The following TTC39A variants were observed in gnomAD, a reference collection of about 807,000 sequenced individuals.
TTC39A encodes the protein tetratricopeptide repeat domain 39A.
A neutral mutation model predicts 82.3 loss-of-function variants in TTC39A; 46 were observed. That is an observed-to-expected ratio of 0.56 (90% CI 0.44 to 0.71). The LOEUF (loss-of-function observed/expected upper bound fraction) is 0.71. TTC39A is among the 30% of genes least tolerant of loss of function. The probability of loss-of-function intolerance (pLI) is 0.00; values close to 1 mark genes in which losing one functional copy is unlikely to be tolerated. For synonymous variants in TTC39A, 254 were observed against 275.2 expected, an observed-to-expected ratio of 0.92 and a Z score of 0.76; for missense variants, 543 against 712.9, an observed-to-expected ratio of 0.76 and a Z score of 2.71.
intron 3 of TTC39A, 62 bp from the exon 4 acceptor site, chr1:51,312,257 C>T: frequency 3.4e-6 from 5 of 1,459,742 alleles, no homozygotes; most frequent in Non-Finnish European, 3.8e-6. Flanking sequence ...TGTCTCTGCC[C>T]CTCTCTGCTA....
intron 2 of TTC39A, among the ~76,000 whole-genome samples, chr1:51,314,029 C>T (rs1360773150): frequency 6.6e-6 from 1 of 152,208 alleles, no homozygotes; most frequent in African/African-American, 2.4e-5. Flanking sequence ...ATACTGTGGG[C>T]ACCTCGAGGA....
rs1221242762 is a variant in TTC39A, at chr1:51,288,361, C to T, written c.1611-81G>A. The T allele has an allele frequency of 2.5e-6, 4 of 1,595,902 alleles. No homozygotes were observed. In the African/African-American group the frequency reaches 4.0e-5, roughly 16 times the overall value. On this transcript the variant is annotated intron_variant, in intron 17 of 17. Transcript: ENST00000680483. The surrounding 1 kb of genome is among the most constrained non-coding windows in gnomAD (Gnocchi z 4.8). Reference sequence around the variant, plus strand: ...TCCTCCTGTTTGAGCTGTATGAGCCCCGCGAGCCAAGGAAGGATTGTAGAG... The same window carrying T: ...TCCTCCTGTTTGAGCTGTATGAGCCTCGCGAGCCAAGGAAGGATTGTAGAG...
At chr1:51,317,478 C>G (rs971269736) in intron 2 of TTC39A, among the ~76,000 whole-genome samples, 5 of 152,088 alleles carry the variant, frequency 3.3e-5, no homozygotes, top group African/African-American at 1.2e-4. Flanking sequence ...GCCTGGTGCG[C>G]TGGCTCACGC....
chr1:51,294,504 G>C lies in TTC39A; in HGVS notation c.1153C>G (p.Pro385Ala). The change falls in exon 14 of 18, where the codon CCA (proline) becomes GCA (alanine). Residue 385 changes from proline to alanine, a missense_variant. Physicochemically the swap from Pro to Ala is conservative, Grantham distance 27. Transcript: ENST00000680483. The surrounding 1 kb of genome is among the most constrained non-coding windows in gnomAD (Gnocchi z 4.3). ...DDEVELFRAV[P>A]GLKLKIAGKS... The stretch of plus-strand genomic sequence containing the variant: ...CCAGCAATCTTGAGCTTCAGGCCTG[G>C]CACAGCTCTGCGAAAGAGATGGGGA... 6.2e-7 allele frequency: 1 copy of C among 1,613,902 alleles called. No individual in the cohort carries two copies. Among genetic ancestry groups the C allele is most frequent in the Non-Finnish European group, 8.5e-7 (1 of 1,179,860 alleles).
intron 1 of TTC39A, among the ~76,000 whole-genome samples, chr1:51,324,023 C>T (rs932961200): frequency 2.0e-5 from 3 of 152,160 alleles, no homozygotes; most frequent in African/African-American, 7.2e-5. Context: ...TTTACTCTGT[C>T]CAGGTTCCCA....
rs1645860445 is a variant in TTC39A at position 51,330,304 on chromosome 1, G to T, written c.41+133C>A. 1.6e-5 allele frequency: 15 copies of T among 930,700 alleles called. No individual in the cohort carries two copies. The highest frequency in any genetic ancestry group is 1.9e-5 in the Non-Finnish European group (15 of 780,904). The allele number at this position is 930,700 out of a possible 1,614,324, so 57.7% of individuals were successfully genotyped here. A position where few individuals can be genotyped will look rare whatever the true frequency, so the allele number is the denominator to read the frequency against. ...AGCGGCGGCGGCTGCCAGGGGCCGGGCGGGGTGGGGGCTGGAAGCCGCAGT... is the reference window on the plus strand; with the variant it reads ...AGCGGCGGCGGCTGCCAGGGGCCGGTCGGGGTGGGGGCTGGAAGCCGCAGT... On this transcript the variant is annotated intron_variant, in intron 1 of 17. Transcript: ENST00000680483. The surrounding 1 kb of genome is among the most constrained non-coding windows in gnomAD (Gnocchi z 4.5).
chr1:51,338,640 G>A (rs973280644), intron 1 of TTC39A, among the ~76,000 whole-genome samples: 1 of 123,916 alleles, frequency 8.1e-6, no homozygotes, highest in Non-Finnish European at 1.6e-5. Context: ...GTCTTACTCT[G>A]TTGTCCAAGC....
intron 1 of TTC39A, chr1:51,322,356 C>T: frequency 2.4e-6 from 3 of 1,270,078 alleles, no homozygotes; most frequent in Non-Finnish European, 3.0e-6. Flanking sequence ...ATTCACTTTG[C>T]CAATGGCTCC....
chr1:51,307,034 C>T (rs1254128082), intron 6 of TTC39A, among the ~76,000 whole-genome samples: 4 of 152,080 alleles, frequency 2.6e-5, no homozygotes, highest in South Asian at 2.1e-4. Flanking sequence ...GAGAACAGCA[C>T]GTCCAAAGGC....
chr1:51,314,249 T>A (rs1262717323), intron 2 of TTC39A, among the ~76,000 whole-genome samples: 1 of 152,184 alleles, frequency 6.6e-6, no homozygotes, highest in African/African-American at 2.4e-5. Context: ...CCTCTCTGTA[T>A]GTGGAGGGAG....
intron 1 of TTC39A, among the ~76,000 whole-genome samples, chr1:51,342,185 C>T (rs1646045718): frequency 6.6e-6 from 1 of 152,218 alleles, no homozygotes; most frequent in Non-Finnish European, 1.5e-5. Context: ...TTGTAAGATG[C>T]ATGGGCGTTA....
At chr1:51,334,079 C>T (rs1319366858), upstream of TTC39A, among the ~76,000 whole-genome samples, 1 of 151,550 alleles carries the variant, frequency 6.6e-6, no homozygotes, top group Non-Finnish European at 1.5e-5. Context: ...CATATATAAG[C>T]TGAGCATGGT....
chr1:51,302,433 G>T lies in TTC39A; in HGVS notation c.832-17C>A. 2 of 1,608,268 alleles carry T rather than the reference G, an allele frequency of 1.2e-6. No individual in the cohort carries two copies. The highest frequency in any genetic ancestry group is 2.2e-5 in the South Asian group (2 of 89,842). On this transcript the variant is annotated splice_polypyrimidine_tract_variant and intron_variant, in intron 10 of 17. Transcript: ENST00000680483. ...GATGGCACCCTGCAATGACACACAT[G>T]TAAGTCCGTGTGGGTCCGTGGGGTC...
At chr1:51,293,512 A>G (rs1322033869) in intron 14 of TTC39A, among the ~76,000 whole-genome samples, 1 of 152,240 alleles carries the variant, frequency 6.6e-6, no homozygotes, top group Non-Finnish European at 1.5e-5. Flanking sequence ...ACTGCTCTGT[A>G]AAATGGGAAA....
In TTC39A at chr1:51,296,101, C is replaced by T. The variant is rs1336386618; in HGVS notation, c.1123G>A (p.Asp375Asn). The stretch of plus-strand genomic sequence containing the variant: ...CACCGAAATAATTCCACTTCGTCGT[C>T]CCCGAACGGCTTGTGGTCCTCCTTC... ...FGKEDHKPFG[D>N]DEVELFRAVP... Residue 375 changes from aspartate to asparagine, a missense_variant, in exon 13 of 18, where the codon GAC (aspartate) becomes AAC (asparagine). Physicochemically the swap from Asp to Asn is conservative, Grantham distance 23. Coordinates refer to ENST00000680483, the MANE Select transcript of TTC39A (RefSeq NM_001297663.2). The T allele has an allele frequency of 1.9e-6, 3 of 1,596,348 alleles. No homozygotes were observed. Among genetic ancestry groups the T allele is most frequent in the African/African-American group, 2.7e-5 (2 of 74,620 alleles).
At chr1:51,300,539 A>C (rs1477891544) in intron 12 of TTC39A, 1 of 152,234 alleles carries the variant, frequency 6.6e-6, no homozygotes, top group Non-Finnish European at 1.5e-5. Context: ...GCAGGGGATG[A>C]AGCCATGAAG....
At chr1:51,289,983 G>A (rs1313322802) in intron 16 of TTC39A, 22 bp downstream of exon 16, 1 of 1,598,280 alleles carries the variant, frequency 6.3e-7, no homozygotes, top group Non-Finnish European at 8.6e-7. Context: ...GACCCAGAAG[G>A]AGCAGCTGCA....
chr1:51,333,386 G>A (rs1217647404), upstream of TTC39A, among the ~76,000 whole-genome samples: 1 of 152,150 alleles, frequency 6.6e-6, no homozygotes, highest in Admixed American at 6.5e-5. Context: ...AACACTTCTG[G>A]TCCAGAGCAT....
At chr1:51,325,080 C>A (rs1431331387) in intron 1 of TTC39A, among the ~76,000 whole-genome samples, 2 of 151,624 alleles carry the variant, frequency 1.3e-5, no homozygotes, top group Admixed American at 6.6e-5. Flanking sequence ...CATGGAGAAA[C>A]CCCGCCTCTA....
Sources: allele counts gnomAD v4.1 joint callset (sites outside exome capture counted in the v4.1 genomes callset), GRCh38; gene constraint gnomAD v4.1.1; non-coding constraint Gnocchi (gnomAD v3.1); transcripts MANE v1.5; gene names NCBI Gene and HGNC (gene_info 2026-07-23, HGNC 2026-07-21).